The following ADGRG3 variants were observed in gnomAD, a reference collection of about 807,000 sequenced individuals.
ADGRG3 encodes the protein adhesion G protein-coupled receptor G3, also known as G protein-coupled receptor 97.
A neutral mutation model predicts 54.3 loss-of-function variants in ADGRG3; 39 were observed. The observed-to-expected ratio is 0.72, with a 90% CI of 0.56 to 0.94. The LOEUF is 0.94. Among genes scored for constraint, ADGRG3 ranks in the 40% least tolerant of loss-of-function variants. ADGRG3 has a pLI of 0.00. For missense variants in ADGRG3, 654 were observed against 694.6 expected, an observed-to-expected ratio of 0.94 and a Z score of 0.66; for synonymous variants, 312 against 290.0, an observed-to-expected ratio of 1.08 and a Z score of -0.77.
rs1329291260 is a variant in ADGRG3, at chr16:57,675,564, G to A, written c.207-636G>A. On this transcript the variant is annotated intron_variant, in intron 2 of 11. Transcript: ENST00000333493. The stretch of plus-strand genomic sequence containing the variant: ...CAGAATCGCTTGAACCCGGGAGGCG[G>A]AGGTTGCAGTGAGCTGAGATTGTGC... Among the ~76,000 whole-genome samples the A allele has an allele frequency of 2.0e-5, 3 of 152,072 alleles. No homozygotes were observed. In the East Asian group the frequency reaches 5.8e-4, roughly 29 times the overall value.
In ADGRG3 at chr16:57,688,412, C is replaced by G. The variant is rs762339055; in HGVS notation, c.1601C>G (p.Ser534Cys). The G allele has an allele frequency of 6.8e-6, 11 of 1,613,660 alleles. No homozygotes were observed. Among genetic ancestry groups the G allele is most frequent in the Non-Finnish European group, 9.3e-6 (11 of 1,179,594 alleles). ...LYLPSQSTTVSSSTARLDQAH... is the reference protein window; with the variant it reads ...LYLPSQSTTVCSSTARLDQAH... Reference sequence around the variant, plus strand: ...CTCCCAAGTCAGAGCACCACAGTCTCCTCCTCTACTGCAAGATTGGACCAG... The same window carrying G: ...CTCCCAAGTCAGAGCACCACAGTCTGCTCCTCTACTGCAAGATTGGACCAG... Residue 534 changes from serine (S) to cysteine (C), a missense_variant, in exon 12 of 12, where the codon TCC becomes TGC. Transcript: ENST00000333493.
intron 7 of ADGRG3, 49 bp from the exon 8 acceptor site, chr16:57,680,456 T>A (rs765297205): frequency 2.5e-6 from 4 of 1,577,766 alleles, no homozygotes; most frequent in Non-Finnish European, 3.5e-6. Flanking sequence ...TTTGGGTATA[T>A]GGGCCTGGCC....
chr16:57,685,934 C>T lies in ADGRG3; in HGVS notation c.1540+8C>T. 6.2e-7 allele frequency: 1 copy of T among 1,612,544 alleles called. No individual in the cohort carries two copies. Among genetic ancestry groups the T allele is most frequent in the Non-Finnish European group, 8.5e-7 (1 of 1,178,962 alleles). ...TTTTCAACTCCTTGCAAGGTGAGGC[C>T]CCTGCACCAGGGAGGTGATGGGCTG... On this transcript the variant is annotated splice_region_variant and intron_variant, in intron 11 of 11. Coordinates refer to ENST00000333493, the MANE Select transcript of ADGRG3 (RefSeq NM_170776.5).
Position 57,673,380 on chromosome 16 carries a change from G to A in ADGRG3, c.118G>A (p.Asp40Asn), listed in dbSNP as rs368017305. 66 of 1,613,782 alleles carry A rather than the reference G, an allele frequency of 4.1e-5. No homozygotes were observed. The highest frequency in any genetic ancestry group is 5.3e-5 in the Non-Finnish European group (62 of 1,179,826). Residue 40 changes from aspartate to asparagine, a missense_variant, in exon 2 of 12, where the codon GAC becomes AAC. Physicochemically the swap from Asp to Asn is conservative, Grantham distance 23 (BLOSUM62 1). Coordinates refer to ENST00000333493, the MANE Select transcript of ADGRG3 (RefSeq NM_170776.5). ...CTGCCTGGGGAGCAACAACATGTACGACATCTTCAACTTGAATGACAAGGC... is the reference window on the plus strand; with the variant it reads ...CTGCCTGGGGAGCAACAACATGTACAACATCTTCAACTTGAATGACAAGGC... ...NTCLGSNNMYDIFNLNDKALC... is the reference protein window; with the variant it reads ...NTCLGSNNMYNIFNLNDKALC...
upstream of ADGRG3, among the ~76,000 whole-genome samples, chr16:57,667,264 T>A (rs1166670383): frequency 6.6e-6 from 1 of 152,244 alleles, no homozygotes; most frequent in Non-Finnish European, 1.5e-5. Flanking sequence ...TGAGTAGGGC[T>A]AGTGCCAGCC....
Position 57,685,750 on chromosome 16 carries a change from G to T in ADGRG3, c.1364G>T (p.Trp455Leu). Reference protein sequence around the residue: ...FGMVVLALVVWKIFTLSRATA... With the variant: ...FGMVVLALVVLKIFTLSRATA... ...ATGGTGGTCCTGGCCCTGGTGGTCTGGAAGATCTTCACCCTGTCCCGTGCT... is the reference window on the plus strand; with the variant it reads ...ATGGTGGTCCTGGCCCTGGTGGTCTTGAAGATCTTCACCCTGTCCCGTGCT... Residue 455 changes from tryptophan (W) to leucine (L), a missense_variant, in exon 11 of 12, where the codon TGG becomes TTG. Transcript: ENST00000333493. 6.2e-7 allele frequency: 1 copy of T among 1,614,196 alleles called. No individual in the cohort carries two copies. The highest frequency in any genetic ancestry group is 8.5e-7 in the Non-Finnish European group (1 of 1,180,030).
At position 57,678,279 on chromosome 16, in the gene ADGRG3, T is replaced by C. The variant is rs781073497; in HGVS notation, c.455T>C (p.Val152Ala). The change falls in exon 4 of 12, where the codon GTC becomes GCC. Residue 152 changes from valine (V) to alanine (A), a missense_variant. Coordinates refer to ENST00000333493, the MANE Select transcript of ADGRG3 (RefSeq NM_170776.5). ...PGNRSVVRLA[V>A]TILDIGPGTL... ...AACAGGTCTGTGGTCCGCTTGGCCG[T>C]CACCATTCTGGACATTGGTCCAGGG... 8 of 1,614,090 alleles carry C rather than the reference T, an allele frequency of 5.0e-6. No homozygotes were observed. Among genetic ancestry groups the C allele is most frequent in the Non-Finnish European group, 6.8e-6 (8 of 1,180,026 alleles).
intron 5 of ADGRG3, 131 bp downstream of exon 5, chr16:57,679,442 A>G: frequency 9.8e-7 from 1 of 1,022,028 alleles, no homozygotes; most frequent in Non-Finnish European, 1.4e-6. Context: ...AGGAGGAGCC[A>G]TTAGGGCCAT....
At position 57,683,926 on chromosome 16, in the gene ADGRG3, C is replaced by A. The variant is rs745615819; in HGVS notation, c.882-6C>A. ...GCCCCTTGGGGCCTCTTATTTCTCA[C>A]CCCAGGCTTTCCCGGGAGAGGTTCA... On this transcript the variant is annotated splice_region_variant and splice_polypyrimidine_tract_variant and intron_variant, in intron 8 of 11. Coordinates refer to ENST00000333493, the MANE Select transcript of ADGRG3 (RefSeq NM_170776.5). 9 of 1,539,856 alleles carry A rather than the reference C, an allele frequency of 5.8e-6. No homozygotes were observed. In the South Asian group the frequency reaches 1.1e-4, roughly 20 times the overall value.
At chr16:57,673,226 C>A in intron 1 of ADGRG3, 95 bp from the exon 2 acceptor site, 2 of 1,232,912 alleles carry the variant, frequency 1.6e-6, no homozygotes, top group Non-Finnish European at 2.3e-6. Flanking sequence ...CTAGCCCAAC[C>A]ACCAGACTCT....
chr16:57,668,542 C>T lies in ADGRG3; in HGVS notation c.58+137C>T, dbSNP rs60140648. ...CTGGGATGTGTCCTCCGATACCCCCCGTGGCCGCCTCAGCACCTTCTCTAG... is the reference window on the plus strand; with the variant it reads ...CTGGGATGTGTCCTCCGATACCCCCTGTGGCCGCCTCAGCACCTTCTCTAG... On this transcript the variant is annotated intron_variant, in intron 1 of 11. Coordinates refer to ENST00000333493, the MANE Select transcript of ADGRG3 (RefSeq NM_170776.5). 7.8e-3 allele frequency: 5,966 copies of T among 769,278 alleles called. 233 individuals are homozygous for T. The African/African-American group carries it at 0.088, about 11-fold the overall frequency. The allele number at this position is 769,278 out of a possible 1,614,324, so 47.7% of individuals were successfully genotyped here.
intron 8 of ADGRG3, among the ~76,000 whole-genome samples, chr16:57,683,251 C>T (rs1276289810): frequency 1.3e-5 from 2 of 152,170 alleles, no homozygotes. Context: ...TAATCTCTAG[C>T]CAGTGTCTGG....
In ADGRG3 at chr16:57,679,809, G is replaced by A; in HGVS notation, c.628-7G>A. 1 of 1,612,086 alleles carries A rather than the reference G, an allele frequency of 6.2e-7. No homozygotes were observed. The highest frequency in any genetic ancestry group is 8.5e-7 in the Non-Finnish European group (1 of 1,178,540). ...CCTCTCTCCTGACTTCCACTCTTCG[G>A]TTTCAGAACATGACCCTCACCTGTG... is the stretch of plus-strand genomic sequence containing the variant. On this transcript the variant is annotated splice_polypyrimidine_tract_variant and splice_region_variant and intron_variant, in intron 5 of 11. Transcript: ENST00000333493.
chr16:57,668,884 C>T (rs1436835487), intron 1 of ADGRG3, among the ~76,000 whole-genome samples: 1 of 152,220 alleles, frequency 6.6e-6, no homozygotes, highest in Non-Finnish European at 1.5e-5. Flanking sequence ...GGCTCCCTCT[C>T]CCAGTCTCAG....
chr16:57,673,457 A>C lies in ADGRG3; in HGVS notation c.195A>C (p.Glu65Asp). 1 of 1,604,684 alleles carries C rather than the reference A, an allele frequency of 6.2e-7. No individual in the cohort carries two copies. The change falls in exon 2 of 12, where the codon GAA becomes GAC. Residue 65 changes from glutamate to aspartate, a missense_variant. Transcript: ENST00000333493. Reference protein sequence around the residue: ...RQSGSDSCNVENLQRYWLNYE... With the variant: ...RQSGSDSCNVDNLQRYWLNYE... ...CGGGCAGCGACTCCTGCAATGTGGA[A>C]AACTTGCAGAGGTGAGGGGGCCCCC...
intron 1 of ADGRG3, among the ~76,000 whole-genome samples, chr16:57,672,619 A>C (rs540136169): frequency 1.3e-5 from 2 of 152,334 alleles, no homozygotes; most frequent in South Asian, 4.1e-4. Context: ...ACATACAGTT[A>C]GTAGATGACC....
In ADGRG3 at chr16:57,688,052, A is replaced by C. The variant is rs557535140; in HGVS notation, c.1541-300A>C. ...GGAGTGCCTCCCATAATAATCCTTT[A>C]TAGAGGGAGTGATGGTTGTTTTGTA... is the stretch of plus-strand genomic sequence containing the variant. On this transcript the variant is annotated intron_variant, in intron 11 of 11. Coordinates refer to ENST00000333493, the MANE Select transcript of ADGRG3 (RefSeq NM_170776.5). Among the ~76,000 whole-genome samples, 7 of 152,234 alleles carry C rather than the reference A, an allele frequency of 4.6e-5. No homozygotes were observed. The South Asian group carries it at 6.2e-4, about 14-fold the overall frequency.
intron 1 of ADGRG3, among the ~76,000 whole-genome samples, chr16:57,672,117 C>T (rs964348304): frequency 3.3e-5 from 5 of 152,086 alleles, no homozygotes; most frequent in Admixed American, 6.6e-5. Flanking sequence ...GAGGTCTAGG[C>T]TGCAGTGAGC....
At chr16:57,669,589 C>A (rs554326785) in intron 1 of ADGRG3, among the ~76,000 whole-genome samples, 1 of 152,330 alleles carries the variant, frequency 6.6e-6, no homozygotes, top group South Asian at 2.1e-4. Context: ...TGGGGCAGAG[C>A]AGCAGCCATT....
Sources: gnomAD v4.1 joint callset for allele counts (sites outside exome capture counted in the v4.1 genomes callset) on GRCh38, gnomAD v4.1.1 for gene constraint, MANE v1.5 for transcripts, NCBI Gene and HGNC (gene_info 2026-07-23, HGNC 2026-07-21) for gene names.